DDX10: variants seen among roughly 807,000 people sequenced by gnomAD.
The protein encoded by DDX10 is probable ATP-dependent RNA helicase DDX10.
In DDX10, 74 loss-of-function variants were observed where a neutral mutation model predicts 104.3. The ratio of observed to expected loss-of-function variants is 0.71; its 90% confidence interval spans 0.59 to 0.86. DDX10 has a LOEUF of 0.86. Among genes scored for constraint, DDX10 ranks in the 40% least tolerant of loss-of-function variants. The pLI, the probability that DDX10 is intolerant of heterozygous loss-of-function variation, is 0.00. For missense variants in DDX10, 952 were observed against 1,040.0 expected (o/e 0.92, Z 1.16); for synonymous variants, 351 against 353.4 (o/e 0.99, Z 0.08).
At chr11:108,749,152 G>A (rs1435797278) in intron 13 of DDX10, among the ~76,000 whole-genome samples, 6 of 151,016 alleles carry the variant, frequency 4.0e-5, no homozygotes, top group Non-Finnish European at 5.9e-5. Context: ...TGCCCGCCTC[G>A]GCCTCCCAAG....
At chr11:108,823,310 T>C (rs1035463880) in intron 13 of DDX10, among the ~76,000 whole-genome samples, 1 of 152,252 alleles carries the variant, frequency 6.6e-6, no homozygotes, top group Non-Finnish European at 1.5e-5. Flanking sequence ...AAGGTAGAAC[T>C]TGGAAACTTT....
intron 13 of DDX10, among the ~76,000 whole-genome samples, chr11:108,759,865 A>G (rs925046893): frequency 1.3e-5 from 2 of 152,032 alleles, no homozygotes; most frequent in African/African-American, 4.8e-5. Context: ...GTATTATTAT[A>G]AAATTACCAG....
chr11:108,700,761 G>A (rs890449352), intron 9 of DDX10, among the ~76,000 whole-genome samples: 1 of 152,098 alleles, frequency 6.6e-6, no homozygotes, highest in African/African-American at 2.4e-5. Context: ...CTGGTAAAAT[G>A]GGGTTAATTG....
intron 16 of DDX10, among the ~76,000 whole-genome samples, chr11:108,916,834 G>GT (rs1863757332): frequency 6.6e-6 from 1 of 152,006 alleles, no homozygotes; most frequent in South Asian, 2.1e-4. Context: ...GCATTAGTTT[G>GT]TTTTTTGACA....
chr11:108,736,456 A>C (rs548844704), intron 13 of DDX10, among the ~76,000 whole-genome samples: 3 of 152,176 alleles, frequency 2.0e-5, no homozygotes, highest in African/African-American at 7.2e-5. Context: ...AAGTGATACC[A>C]CCGAAGTTGA....
chr11:108,723,270 A>C lies in DDX10; in HGVS notation c.1773A>C (p.Glu591Asp), dbSNP rs1176342297. Residue 591 changes from glutamate to aspartate, a missense_variant, in exon 13 of 18, where the codon GAA becomes GAC. By Grantham distance (45) the Glu-to-Asp change is conservative (BLOSUM62 2). Around this residue, in one of 3 missense-constraint regions of DDX10, gnomAD observed 533 missense variants for 534.1 expected, o/e 1.00. Coordinates refer to ENST00000322536, the MANE Select transcript of DDX10 (RefSeq NM_004398.4). ...AAGAAGAAGAAGACGATGAAGAAGAAATGGAAGAGAAACTGGCAAAAGCAA... is the reference window on the plus strand; with the variant it reads ...AAGAAGAAGAAGACGATGAAGAAGACATGGAAGAGAAACTGGCAAAAGCAA... ...EQEEEEDDEEEMEEKLAKAKG... is the reference protein window; with the variant it reads ...EQEEEEDDEEDMEEKLAKAKG... 1.2e-6 allele frequency: 2 copies of C among 1,613,414 alleles called. No individual in the cohort carries two copies. Among genetic ancestry groups the C allele is most frequent in the African/African-American group, 2.7e-5 (2 of 74,898 alleles).
chr11:108,762,528 C>G (rs1054670651), intron 13 of DDX10, among the ~76,000 whole-genome samples: 1 of 152,120 alleles, frequency 6.6e-6, no homozygotes, highest in East Asian at 1.9e-4. Context: ...GAAGGAGTTC[C>G]TGAAAGCAGA....
chr11:108,890,858 A>G (rs545382459), intron 16 of DDX10, among the ~76,000 whole-genome samples: 83 of 152,294 alleles, frequency 5.4e-4, no homozygotes, highest in African/African-American at 1.8e-3. Flanking sequence ...CCACCTGTAC[A>G]TGCCATGCCT....
chr11:108,739,495 A>G (rs1340652576), intron 13 of DDX10, among the ~76,000 whole-genome samples: 1 of 152,208 alleles, frequency 6.6e-6, no homozygotes, highest in Non-Finnish European at 1.5e-5. Flanking sequence ...TTATGAAGGT[A>G]AGGAATATAT....
At chr11:108,932,368 C>T (rs531599139) in intron 17 of DDX10, among the ~76,000 whole-genome samples, 2 of 152,060 alleles carry the variant, frequency 1.3e-5, no homozygotes, top group East Asian at 3.9e-4. Context: ...GTGGTGTGCA[C>T]CTTTAGTCCC....
At chr11:108,802,951 T>C (rs1862044080) in intron 13 of DDX10, among the ~76,000 whole-genome samples, 1 of 152,230 alleles carries the variant, frequency 6.6e-6, no homozygotes. Context: ...ACTAAATGTT[T>C]GCAGCCACCA....
In DDX10 at chr11:108,723,310, C is replaced by T. The variant is rs2094301043; in HGVS notation, c.1813C>T (p.Pro605Ser). The T allele has an allele frequency of 3.1e-6, 5 of 1,613,702 alleles. No homozygotes were observed. In the South Asian group the frequency reaches 5.5e-5, roughly 18 times the overall value. The change falls in exon 13 of 18, where the codon CCA becomes TCA. Residue 605 changes from proline to serine, a missense_variant. Pro to Ser is a moderately conservative substitution (Grantham distance 74). Coordinates refer to ENST00000322536, the MANE Select transcript of DDX10 (RefSeq NM_004398.4). ...KLAKAKGSQA[P>S]SLPNTSEAQK... ...GGCAAAAGCAAAAGGATCTCAAGCCCCATCTCTTCCTAACACCAGTGAGGC... is the reference window on the plus strand; with the variant it reads ...GGCAAAAGCAAAAGGATCTCAAGCCTCATCTCTTCCTAACACCAGTGAGGC...
At position 108,838,512 on chromosome 11, in the gene DDX10, A is replaced by G; in HGVS notation, c.2032A>G (p.Met678Val). Reference sequence around the variant, plus strand: ...CAAAGTTGCAGAAGCAAAAAAAGTAATGAAGAGAAATTTTAAAGTGAATAA... The same window carrying G: ...CAAAGTTGCAGAAGCAAAAAAAGTAGTGAAGAGAAATTTTAAAGTGAATAA... ...MTKVAEAKKV[M>V]KRNFKVNKKI... is the part of the protein sequence containing the mutation. Residue 678 changes from methionine to valine, a missense_variant, in exon 14 of 18, where the codon ATG becomes GTG. Transcript: ENST00000322536. 6.2e-7 allele frequency: 1 copy of G among 1,613,044 alleles called. No homozygotes were observed. Among genetic ancestry groups the G allele is most frequent in the Non-Finnish European group, 8.5e-7 (1 of 1,179,484 alleles).
chr11:108,773,405 C>G (rs1305989049), intron 13 of DDX10, among the ~76,000 whole-genome samples: 6 of 152,172 alleles, frequency 3.9e-5, no homozygotes, highest in Non-Finnish European at 7.3e-5. Context: ...TGAAGTCTCC[C>G]TATCTACCTG....
rs568381924 is a variant in DDX10, at chr11:108,892,096, A to G, written c.2305-25777A>G. ...TGTAGTTCGGATATTTGACCCTTCA[A>G]TCCTCATGTTGAAATTTGATCGCCC... On this transcript the variant is annotated intron_variant, in intron 16 of 17. Transcript: ENST00000322536. 1.6e-4 allele frequency among the ~76,000 whole-genome samples: 24 copies of G among 152,206 alleles called. No homozygotes were observed. The South Asian group carries it at 3.7e-3, about 24-fold the overall frequency.
chr11:108,937,990 A>C (rs1472765677), intron 17 of DDX10, among the ~76,000 whole-genome samples: 2 of 152,228 alleles, frequency 1.3e-5, no homozygotes, highest in Non-Finnish European at 1.5e-5. Context: ...TGCAGAGCTC[A>C]GGCTTGGACT....
At position 108,678,456 on chromosome 11, in the gene DDX10, AT is replaced by A. The variant is rs774884302; in HGVS notation, c.658+24del. The A allele has an allele frequency of 6.2e-5, 96 of 1,555,150 alleles. No homozygotes were observed. In the African/African-American group the frequency reaches 9.5e-4, roughly 15 times the overall value. ...GTTAGGTGAGTCAAATCAATTTCTA[AT>A]TTAAAAAAAAAAAAAGCTCAGACTT... On this transcript the variant is annotated intron_variant, in intron 5 of 17. Transcript: ENST00000322536.
chr11:108,665,763 C>T (rs1048134419), intron 1 of DDX10, among the ~76,000 whole-genome samples: 2 of 152,054 alleles, frequency 1.3e-5, no homozygotes, highest in African/African-American at 4.8e-5. Context: ...TGAAACTTGT[C>T]CGAATCTTTC....
At chr11:108,688,781 A>G in intron 6 of DDX10, among the ~76,000 whole-genome samples, 155 bp from the exon 7 acceptor site, 1 of 152,222 alleles carries the variant, frequency 6.6e-6, no homozygotes, top group East Asian at 1.9e-4. Context: ...TTTGTTTCCT[A>G]AGGGACAATA....
Sources: allele counts gnomAD v4.1 joint callset (sites outside exome capture counted in the v4.1 genomes callset), GRCh38; gene constraint gnomAD v4.1.1; regional missense constraint gnomAD v4.1.1; transcripts MANE v1.5; gene names NCBI Gene and HGNC (gene_info 2026-07-23, HGNC 2026-07-21).